The following TTLL7 variants were observed in gnomAD, a reference collection of about 807,000 sequenced individuals.
TTLL7 encodes the protein tubulin polyglutamylase TTLL7.
A neutral mutation model predicts 120.2 loss-of-function variants in TTLL7; 53 were observed. The observed-to-expected ratio is 0.44, with a 90% CI of 0.35 to 0.55. TTLL7 has a LOEUF of 0.55. TTLL7 is among the 20% of genes least tolerant of loss of function. The probability of loss-of-function intolerance (pLI) is 0.00; values close to 1 mark genes in which losing one functional copy is unlikely to be tolerated. For missense variants in TTLL7, 803 were observed against 1,054.7 expected (o/e 0.76, Z 3.31); for synonymous variants, 353 against 351.7 (o/e 1.00, Z -0.04).
chr1:83,965,015 T>A (rs1650325433), intron 1 of TTLL7, among the ~76,000 whole-genome samples: 1 of 152,162 alleles, frequency 6.6e-6, no homozygotes. Context: ...CACAAAATTG[T>A]TATCTATTTC....
Position 83,947,063 on chromosome 1 carries a change from T to C in TTLL7, c.506+61A>G. 7.1e-6 allele frequency: 10 copies of C among 1,399,794 alleles called. 1 individual carries two copies. The highest frequency in any genetic ancestry group is 9.6e-6 in the Non-Finnish European group (10 of 1,040,808). 86.7% of individuals were successfully genotyped at this position (1,399,794 alleles called of 1,614,324 possible). ...TCACGCATGAGTAATTATGCACATT[T>C]ATTCTCCCCACTCCCAAATTTTTTT... On this transcript the variant is annotated intron_variant, in intron 6 of 20. Transcript: ENST00000260505.
chr1:83,993,097 C>T (rs749020987), intron 1 of TTLL7, among the ~76,000 whole-genome samples: 52 of 152,266 alleles, frequency 3.4e-4, no homozygotes, highest in African/African-American at 1.2e-3. Context: ...TTTCTACCAA[C>T]ACTTTACATT....
chr1:83,911,014 G>T, intron 15 of TTLL7, 151 bp downstream of exon 15: 1 of 632,976 alleles, frequency 1.6e-6, no homozygotes, highest in Non-Finnish European at 2.8e-6. Flanking sequence ...TAAGGGATGT[G>T]CCCGAGTCTG....
chr1:83,984,320 G>A (rs1264649331), intron 1 of TTLL7: 1 of 152,150 alleles, frequency 6.6e-6, no homozygotes, highest in African/African-American at 2.4e-5. Context: ...ACTGCTGGTG[G>A]GAATGTGAAT....
At chr1:83,958,247 T>C (rs1217897349) in intron 1 of TTLL7, among the ~76,000 whole-genome samples, 1 of 152,176 alleles carries the variant, frequency 6.6e-6, no homozygotes, top group Non-Finnish European at 1.5e-5. Context: ...TGAACAATGA[T>C]ATTGAAAAAC....
intron 18 of TTLL7, 122 bp downstream of exon 18, chr1:83,903,957 T>A: frequency 1.3e-6 from 1 of 750,004 alleles, no homozygotes; most frequent in Non-Finnish European, 2.3e-6. Context: ...ACTTAATAAG[T>A]GTTTGTTGAA....
chr1:83,968,948 C>T (rs1650730467), intron 1 of TTLL7, among the ~76,000 whole-genome samples: 1 of 151,984 alleles, frequency 6.6e-6, no homozygotes, highest in Admixed American at 6.6e-5. Flanking sequence ...CTGTAATTTT[C>T]CCTTGAATAC....
intron 1 of TTLL7, among the ~76,000 whole-genome samples, chr1:83,964,462 C>A (rs1483096712): frequency 2.0e-5 from 3 of 152,084 alleles, no homozygotes; most frequent in Non-Finnish European, 4.4e-5. Flanking sequence ...AGAGTAAACA[C>A]TGTAGAAATG....
At chr1:83,915,989 T>C (rs1571173166) in intron 14 of TTLL7, among the ~76,000 whole-genome samples, 1 of 151,954 alleles carries the variant, frequency 6.6e-6, no homozygotes, top group Admixed American at 6.6e-5. Context: ...AGTCAGGAAA[T>C]AACAGGTGCT....
intron 18 of TTLL7, among the ~76,000 whole-genome samples, chr1:83,893,665 AACATTT>A (rs201735518): frequency 0.024 from 3,659 of 152,256 alleles, 73 homozygotes; most frequent in African/African-American, 0.053. Context: ...GGCAAATTTA[AACATTT>A]GTTTAAAAAT....
chr1:83,920,354 T>G, intron 12 of TTLL7, among the ~76,000 whole-genome samples: 1 of 152,064 alleles, frequency 6.6e-6, no homozygotes, highest in East Asian at 1.9e-4. Context: ...GTGTTTTTAC[T>G]TAGTGTGGTT....
chr1:83,943,694 G>C (rs1478112807), intron 6 of TTLL7, among the ~76,000 whole-genome samples: 1 of 152,180 alleles, frequency 6.6e-6, no homozygotes, highest in African/African-American at 2.4e-5. Context: ...TTCTAGAATT[G>C]CTATAGTATA....
At chr1:83,896,351 T>C (rs576947851) in intron 18 of TTLL7, among the ~76,000 whole-genome samples, 1 of 152,216 alleles carries the variant, frequency 6.6e-6, no homozygotes, top group South Asian at 2.1e-4. Context: ...GTCTTTTCCA[T>C]GTGAAATATA....
chr1:83,881,946 G>A lies in TTLL7; in HGVS notation c.2543+1017C>T, dbSNP rs555360351. 3.6e-4 allele frequency among the ~76,000 whole-genome samples: 54 copies of A among 151,244 alleles called. No individual in the cohort carries two copies. In the South Asian group the frequency reaches 9.3e-3, roughly 26 times the overall value. On this transcript the variant is annotated intron_variant, in intron 20 of 20. Coordinates refer to ENST00000260505, the MANE Select transcript of TTLL7 (RefSeq NM_024686.6). ...AGTTCATGTCCTTTGTAGGGACATG[G>A]ATGAAATTGGAAATCATCATTCTCA...
chr1:83,928,138 CAA>C, intron 10 of TTLL7, among the ~76,000 whole-genome samples: 1 of 152,186 alleles, frequency 6.6e-6, no homozygotes, highest in Non-Finnish European at 1.5e-5. Flanking sequence ...ATGGCAACGT[CAA>C]AAGACATGCA....
At chr1:83,883,794 A>T (rs191645592) in intron 19 of TTLL7, among the ~76,000 whole-genome samples, 2 of 152,120 alleles carry the variant, frequency 1.3e-5, no homozygotes, top group African/African-American at 4.8e-5. Flanking sequence ...ACCTCTCTTC[A>T]CTAGGAGAAT....
chr1:83,866,072 A>T lies in TTLL7; in HGVS notation c.*3890T>A, dbSNP rs940543126. ...CAAGAACACAATTAATTGTACAGTTATACATTTTATTTAACCCCTATGACC... is the reference window on the plus strand; with the variant it reads ...CAAGAACACAATTAATTGTACAGTTTTACATTTTATTTAACCCCTATGACC... On this transcript the variant is annotated 3_prime_UTR_variant, in exon 21 of 21. Coordinates refer to ENST00000260505, the MANE Select transcript of TTLL7 (RefSeq NM_024686.6). 63 of 152,038 alleles carry T rather than the reference A, an allele frequency of 4.1e-4. No homozygotes were observed. Among genetic ancestry groups the T allele is most frequent in the African/African-American group, 1.4e-3 (60 of 41,578 alleles). The allele number at this position is 152,038 out of a possible 1,614,324, so 9.4% of individuals were successfully genotyped here.
At chr1:83,904,926 G>T (rs1176264328) in intron 17 of TTLL7, among the ~76,000 whole-genome samples, 14 of 151,872 alleles carry the variant, frequency 9.2e-5, no homozygotes, top group Admixed American at 9.2e-4. Flanking sequence ...TAAACAATTT[G>T]ATGTCTGCTA....
chr1:83,944,581 G>A (rs971155851), intron 6 of TTLL7, among the ~76,000 whole-genome samples: 1 of 152,184 alleles, frequency 6.6e-6, no homozygotes, highest in Admixed American at 6.5e-5. Flanking sequence ...GGTGGCATAC[G>A]CCTGTAATCC....
Sources: allele counts gnomAD v4.1 joint callset (sites outside exome capture counted in the v4.1 genomes callset), GRCh38; gene constraint gnomAD v4.1.1; transcripts MANE v1.5; gene names NCBI Gene and HGNC (gene_info 2026-07-23, HGNC 2026-07-21).